The following PRKCA variants were observed in gnomAD, a reference collection of about 807,000 sequenced individuals.
PRKCA encodes the protein protein kinase C alpha.
A neutral mutation model predicts 87.0 loss-of-function variants in PRKCA; 27 were observed. That is an observed-to-expected ratio of 0.31 (90% CI 0.23 to 0.43). The LOEUF (loss-of-function observed/expected upper bound fraction) is 0.43, where lower values mean the gene tolerates loss of function less well. Ranked by LOEUF, PRKCA falls within the 20% of genes least tolerant of loss-of-function variation. The pLI, the probability that PRKCA is intolerant of heterozygous loss-of-function variation, is 1.00. For synonymous variants in PRKCA, 329 were observed against 311.1 expected (o/e 1.06, Z -0.61); for missense variants, 518 against 852.3 (o/e 0.61, Z 4.88).
chr17:66,321,092 A>G (rs1905628268), intron 2 of PRKCA, among the ~76,000 whole-genome samples: 1 of 152,230 alleles, frequency 6.6e-6, no homozygotes, highest in African/African-American at 2.4e-5. Flanking sequence ...AAAATATACA[A>G]AATAACAATG....
chr17:66,559,964 G>A (rs141584222), intron 3 of PRKCA, among the ~76,000 whole-genome samples: 127 of 152,340 alleles, frequency 8.3e-4, no homozygotes, highest in African/African-American at 3.0e-3. Context: ...ACTGAGCTGT[G>A]ATCTGGCCCC....
intron 13 of PRKCA, among the ~76,000 whole-genome samples, chr17:66,756,082 C>T (rs1233560319): frequency 6.6e-6 from 1 of 152,170 alleles, no homozygotes; most frequent in Non-Finnish European, 1.5e-5. Flanking sequence ...GGGCTCCACG[C>T]GTTTTGGAGT....
intron 3 of PRKCA, among the ~76,000 whole-genome samples, chr17:66,511,040 T>C (rs557904137): frequency 9.7e-4 from 147 of 151,330 alleles, no homozygotes; most frequent in Admixed American, 4.2e-3. Flanking sequence ...AGATTATAAC[T>C]GCTTTACAAT....
intron 8 of PRKCA, among the ~76,000 whole-genome samples, chr17:66,709,863 C>T (rs1246167896): frequency 1.3e-5 from 2 of 152,076 alleles, no homozygotes; most frequent in Non-Finnish European, 2.9e-5. Context: ...CAAGAAAAAA[C>T]AAAATCTTGT....
chr17:66,332,926 T>C (rs998100751), intron 2 of PRKCA, among the ~76,000 whole-genome samples: 4 of 152,062 alleles, frequency 2.6e-5, no homozygotes, highest in Non-Finnish European at 4.4e-5. Flanking sequence ...CTCCTGACCT[T>C]GTGATCCACC....
chr17:66,785,570 T>G (rs76963569), intron 14 of PRKCA, among the ~76,000 whole-genome samples: 2 of 152,160 alleles, frequency 1.3e-5, no homozygotes, highest in African/African-American at 2.4e-5. Context: ...CATGAACGCT[T>G]TCCTCCTGTG....
In PRKCA at chr17:66,409,434, G is replaced by A. The variant is rs561666003; in HGVS notation, c.206-86767G>A. Among the ~76,000 whole-genome samples the A allele has an allele frequency of 1.1e-4, 17 of 152,186 alleles. No individual in the cohort carries two copies. In the South Asian group the frequency reaches 2.9e-3, roughly 26 times the overall value. On this transcript the variant is annotated intron_variant, in intron 2 of 16. Coordinates refer to ENST00000413366, the MANE Select transcript of PRKCA (RefSeq NM_002737.3). Reference sequence around the variant, plus strand: ...CATTTATGATAGATTATTTTTCTAGGGATGGAAAAACTTAGGAAAGCCAAT... The same window carrying A: ...CATTTATGATAGATTATTTTTCTAGAGATGGAAAAACTTAGGAAAGCCAAT...
chr17:66,535,161 A>G (rs770293445), intron 3 of PRKCA, among the ~76,000 whole-genome samples: 44 of 152,202 alleles, frequency 2.9e-4, no homozygotes, highest in Admixed American at 8.5e-4. Flanking sequence ...CCTCCAAGGC[A>G]TACTCAGCAG....
At chr17:66,419,098 G>A (rs1257134892) in intron 2 of PRKCA, among the ~76,000 whole-genome samples, 1 of 152,018 alleles carries the variant, frequency 6.6e-6, no homozygotes, top group Non-Finnish European at 1.5e-5. Flanking sequence ...CAGTTGATCA[G>A]TTGGATCCTC....
chr17:66,658,130 C>T (rs544551791), intron 5 of PRKCA, among the ~76,000 whole-genome samples: 12 of 152,126 alleles, frequency 7.9e-5, no homozygotes, highest in Admixed American at 6.5e-5. Context: ...CTTCACGTGG[C>T]GGCAGGAAGG....
chr17:66,701,050 A>G (rs1262753466), intron 8 of PRKCA, among the ~76,000 whole-genome samples: 2 of 152,206 alleles, frequency 1.3e-5, no homozygotes, highest in Non-Finnish European at 2.9e-5. Flanking sequence ...AAATTATATT[A>G]CACATCTATA....
intron 2 of PRKCA, among the ~76,000 whole-genome samples, chr17:66,400,180 C>T (rs994956025): frequency 1.3e-5 from 2 of 152,146 alleles, no homozygotes; most frequent in African/African-American, 4.8e-5. Context: ...GAGATGGAGT[C>T]TAGCTCTGTC....
intron 2 of PRKCA, among the ~76,000 whole-genome samples, chr17:66,401,328 C>T (rs1465827578): frequency 2.0e-5 from 3 of 152,148 alleles, no homozygotes; most frequent in Non-Finnish European, 4.4e-5. Flanking sequence ...CACCTGCTAA[C>T]CTGGGAGGTG....
At position 66,553,362 on chromosome 17, in the gene PRKCA, T is replaced by G. The variant is rs61762382; in HGVS notation, c.288+57079T>G. On this transcript the variant is annotated intron_variant, in intron 3 of 16. Transcript: ENST00000413366. ...ATGTCTTCTCTAGCAAATAAATAAT[T>G]CCATAGCTAGAAAGATCTTTGGTAG... 4.0e-3 allele frequency among the ~76,000 whole-genome samples: 610 copies of G among 152,268 alleles called. 6 individuals carry two copies. Among genetic ancestry groups the G allele is most frequent in the African/African-American group, 0.014 (575 of 41,566 alleles).
intron 8 of PRKCA, among the ~76,000 whole-genome samples, chr17:66,725,647 CAA>C (rs113071133): frequency 3.6e-5 from 5 of 136,990 alleles, no homozygotes; most frequent in African/African-American, 7.9e-5. Flanking sequence ...CGCATGTCTA[CAA>C]AAAAAAAAAA....
chr17:66,312,064 C>T (rs1298713638), intron 2 of PRKCA, among the ~76,000 whole-genome samples: 1 of 152,152 alleles, frequency 6.6e-6, no homozygotes, highest in Non-Finnish European at 1.5e-5. Flanking sequence ...TCACTGCAAC[C>T]TCTGCCTCCT....
chr17:66,492,157 T>C (rs545251278), intron 2 of PRKCA, among the ~76,000 whole-genome samples: 5 of 152,320 alleles, frequency 3.3e-5, no homozygotes, highest in African/African-American at 1.2e-4. Flanking sequence ...GGCCTTTCTG[T>C]CTGCCTCTCA....
intron 2 of PRKCA, among the ~76,000 whole-genome samples, chr17:66,356,914 T>G (rs1908095186): frequency 6.6e-6 from 1 of 152,070 alleles, no homozygotes; most frequent in African/African-American, 2.4e-5. Context: ...CACCATGCCC[T>G]GCTATTTATT....
intron 2 of PRKCA, among the ~76,000 whole-genome samples, chr17:66,310,755 A>G (rs1472169355): frequency 6.6e-6 from 1 of 152,182 alleles, no homozygotes; most frequent in East Asian, 1.9e-4. Flanking sequence ...GTGGCCTTTA[A>G]ACAGAAAGGG....
Sources: gnomAD v4.1 joint callset for allele counts (sites outside exome capture counted in the v4.1 genomes callset) on GRCh38, gnomAD v4.1.1 for gene constraint, MANE v1.5 for transcripts, NCBI Gene and HGNC (gene_info 2026-07-23, HGNC 2026-07-21) for gene names.